SGCD: variants seen among roughly 807,000 people sequenced by gnomAD.
The protein encoded by SGCD is delta-sarcoglycan.
SGCD carries 18 observed loss-of-function variants against 36.6 expected under a neutral mutation model. The ratio of observed to expected loss-of-function variants is 0.49; its 90% CI spans 0.34 to 0.73. The LOEUF (loss-of-function observed/expected upper bound fraction) is 0.73, where lower values mean the gene tolerates loss of function less well. Ranked by LOEUF, SGCD falls within the 30% of genes least tolerant of loss-of-function variation. The pLI, the probability that SGCD is intolerant of heterozygous loss-of-function variation, is 0.01. For missense variants in SGCD, 387 were observed against 346.7 expected (o/e 1.12, Z -0.92); for synonymous variants, 133 against 130.6 (o/e 1.02, Z -0.12).
At chr5:156,696,480 A>G (rs758652232) in intron 7 of SGCD, among the ~76,000 whole-genome samples, 1 of 152,148 alleles carries the variant, frequency 6.6e-6, no homozygotes, top group Non-Finnish European at 1.5e-5. Flanking sequence ...TTAACAGAAA[A>G]CAAAATCTTC....
chr5:156,437,684 A>G (rs767396446), intron 3 of SGCD, among the ~76,000 whole-genome samples: 24 of 152,182 alleles, frequency 1.6e-4, no homozygotes, highest in Non-Finnish European at 3.2e-4. Flanking sequence ...TTTATCTAGC[A>G]ACAAAGGGGA....
chr5:156,593,709 T>C (rs997505593), intron 5 of SGCD, among the ~76,000 whole-genome samples: 3 of 152,198 alleles, frequency 2.0e-5, no homozygotes, highest in Admixed American at 6.6e-5. Flanking sequence ...GTTTTCCTTA[T>C]GGTGTGTGTT....
At chr5:156,509,134 T>C (rs932867616) in intron 4 of SGCD, among the ~76,000 whole-genome samples, 3 of 152,150 alleles carry the variant, frequency 2.0e-5, no homozygotes, top group Admixed American at 1.3e-4. Flanking sequence ...TTAGGATCAA[T>C]TCAATATCAA....
chr5:156,518,481 A>G (rs1757276170), intron 4 of SGCD, among the ~76,000 whole-genome samples: 1 of 152,214 alleles, frequency 6.6e-6, no homozygotes, highest in Non-Finnish European at 1.5e-5. Flanking sequence ...CTCTGGATCA[A>G]GTGGGCCTGA....
intron 1 of SGCD, among the ~76,000 whole-genome samples, chr5:155,881,614 GACA>G (rs1755887917): frequency 6.6e-6 from 1 of 152,156 alleles, no homozygotes; most frequent in Admixed American, 6.5e-5. Context: ...AATTTTGTAA[GACA>G]ACAATGAAGT....
At chr5:155,919,225 A>G (rs111289542) in intron 1 of SGCD, among the ~76,000 whole-genome samples, 1 of 152,254 alleles carries the variant, frequency 6.6e-6, no homozygotes, top group Non-Finnish European at 1.5e-5. Flanking sequence ...ATAGACAAAG[A>G]TATGCAAGTT....
At chr5:156,366,267 C>T (rs1190494885) in intron 3 of SGCD, among the ~76,000 whole-genome samples, 2 of 152,086 alleles carry the variant, frequency 1.3e-5, no homozygotes, top group Admixed American at 1.3e-4. Flanking sequence ...AGAAAGAGCA[C>T]TCTGATGAAA....
At chr5:156,021,673 C>T (rs1759101525) in intron 1 of SGCD, among the ~76,000 whole-genome samples, 1 of 152,052 alleles carries the variant, frequency 6.6e-6, no homozygotes, top group Non-Finnish European at 1.5e-5. Context: ...CCTCGGCAAC[C>T]TGTGGTGGGT....
chr5:156,138,139 G>A (rs1345886552), intron 3 of SGCD, among the ~76,000 whole-genome samples: 1 of 152,136 alleles, frequency 6.6e-6, no homozygotes, highest in Non-Finnish European at 1.5e-5. Context: ...GGTGGCTCAT[G>A]GCTGTAATCC....
At chr5:156,041,079 C>T (rs1363464953) in intron 1 of SGCD, among the ~76,000 whole-genome samples, 2 of 152,198 alleles carry the variant, frequency 1.3e-5, no homozygotes, top group East Asian at 3.8e-4. Context: ...CAGTATCCTT[C>T]CCAGCATCAG....
At chr5:156,295,513 TTC>T (rs1766870583) in intron 3 of SGCD, among the ~76,000 whole-genome samples, 1 of 152,186 alleles carries the variant, frequency 6.6e-6, no homozygotes, top group Non-Finnish European at 1.5e-5. Flanking sequence ...GTTTCCTTTA[TTC>T]TCTTTCTAGT....
At chr5:156,158,649 T>C (rs765819410) in intron 3 of SGCD, among the ~76,000 whole-genome samples, 18 of 151,696 alleles carry the variant, frequency 1.2e-4, no homozygotes, top group Non-Finnish European at 2.2e-4. Flanking sequence ...GGACAAGCCT[T>C]CCGGGGTACT....
chr5:156,248,102 G>A (rs1181906307), intron 3 of SGCD, among the ~76,000 whole-genome samples: 2 of 152,148 alleles, frequency 1.3e-5, no homozygotes, highest in Non-Finnish European at 2.9e-5. Context: ...AGAATAAAGT[G>A]TGTAGTATGT....
chr5:156,008,525 A>C (rs1758796697), intron 1 of SGCD, among the ~76,000 whole-genome samples: 1 of 152,090 alleles, frequency 6.6e-6, no homozygotes, highest in African/African-American at 2.4e-5. Flanking sequence ...ATAGGCATGG[A>C]CCACCATGCC....
intron 3 of SGCD, among the ~76,000 whole-genome samples, chr5:156,428,998 A>G (rs1773796802): frequency 6.6e-6 from 1 of 152,014 alleles, no homozygotes; most frequent in Non-Finnish European, 1.5e-5. Flanking sequence ...GATGAGAATA[A>G]TGTATATTCT....
chr5:156,126,793 G>A (rs373571528), intron 3 of SGCD, among the ~76,000 whole-genome samples: 55 of 152,270 alleles, frequency 3.6e-4, no homozygotes, highest in African/African-American at 6.3e-4. Flanking sequence ...TAGAAAGGCC[G>A]TCTAATTCTT....
intron 8 of SGCD, 103 bp downstream of exon 8, chr5:156,757,807 A>G: frequency 7.1e-7 from 1 of 1,409,120 alleles, no homozygotes; most frequent in Non-Finnish European, 9.3e-7. Flanking sequence ...GTGTATCAAC[A>G]AAAGGAGCCA....
chr5:156,184,659 A>T (rs180919024), intron 3 of SGCD, among the ~76,000 whole-genome samples: 1 of 152,298 alleles, frequency 6.6e-6, no homozygotes, highest in African/African-American at 2.4e-5. Flanking sequence ...AACATAAAGA[A>T]TATCAGTGGT....
intron 3 of SGCD, among the ~76,000 whole-genome samples, chr5:156,255,700 G>A (rs10079587): frequency 8.2e-4 from 125 of 152,132 alleles, no homozygotes; most frequent in African/African-American, 2.9e-3. Flanking sequence ...TGTGTATGTT[G>A]TTGTATCTTG....
Sources: allele counts gnomAD v4.1 joint callset (sites outside exome capture counted in the v4.1 genomes callset), GRCh38; gene constraint gnomAD v4.1.1; transcripts MANE v1.5; gene names NCBI Gene and HGNC (gene_info 2026-07-23, HGNC 2026-07-21).